KLRD1: variants seen among roughly 807,000 people sequenced by gnomAD.
The protein encoded by KLRD1 is killer cell lectin like receptor D1.
In KLRD1, 21 loss-of-function variants were observed where a neutral mutation model predicts 22.6. The ratio of observed to expected loss-of-function variants is 0.93; its 90% CI spans 0.66 to 1.34. KLRD1 has a LOEUF of 1.34. Ranked by LOEUF, KLRD1 falls within the 40% of genes most tolerant of loss-of-function variation. The pLI is 0.00. For missense variants in KLRD1, 183 were observed against 208.6 expected, an observed-to-expected ratio of 0.88 and a Z score of 0.76; for synonymous variants, 59 against 71.1, an observed-to-expected ratio of 0.83 and a Z score of 0.85.
intron 1 of KLRD1, among the ~76,000 whole-genome samples, chr12:10,295,752 A>G (rs1286469495): frequency 6.6e-6 from 1 of 152,196 alleles, no homozygotes; most frequent in African/African-American, 2.4e-5. Flanking sequence ...ATTAAAATAT[A>G]GACACCCATT....
At chr12:10,313,285 A>T in intron 4 of KLRD1, 125 bp from the exon 5 acceptor site, 1 of 521,032 alleles carries the variant, frequency 1.9e-6, no homozygotes, top group Non-Finnish European at 3.4e-6. Flanking sequence ...AGGAAGTTAA[A>T]AATAATTTCC....
At chr12:10,251,483 A>G (rs148452536) in intron 1 of KLRD1, among the ~76,000 whole-genome samples, 6 of 152,136 alleles carry the variant, frequency 3.9e-5, no homozygotes, top group East Asian at 1.9e-4. Flanking sequence ...GTGGTCCCCA[A>G]ACTTTTTGGC....
Position 10,316,338 on chromosome 12 carries a change from A to G in KLRD1, c.*1545A>G, listed in dbSNP as rs569273078. 1.3e-5 allele frequency: 2 copies of G among 152,272 alleles called. No individual in the cohort carries two copies. Among genetic ancestry groups the G allele is most frequent in the East Asian group, 1.9e-4 (1 of 5,188 alleles). The allele number at this position is 152,272 out of a possible 1,614,324, so 9.4% of individuals were successfully genotyped here. On this transcript the variant is annotated 3_prime_UTR_variant, in exon 6 of 6. Transcript: ENST00000336164. ...TTAGAGTTATGCCTACTGTACCCAC[A>G]TAATCCTAAAAATATGTTACAACTG...
At chr12:10,270,815 G>A (rs1187395099) in intron 1 of KLRD1, among the ~76,000 whole-genome samples, 1 of 146,416 alleles carries the variant, frequency 6.8e-6, no homozygotes, top group Non-Finnish European at 1.5e-5. Context: ...ACAGAGTCTC[G>A]CTCTGTCGCC....
intron 1 of KLRD1, among the ~76,000 whole-genome samples, chr12:10,245,852 C>T (rs1397604249): frequency 6.6e-6 from 1 of 152,104 alleles, no homozygotes; most frequent in Non-Finnish European, 1.5e-5. Context: ...AAAAGTCTTA[C>T]CCTGTCACCC....
At chr12:10,273,861 A>G (rs1199601959) in intron 1 of KLRD1, among the ~76,000 whole-genome samples, 1 of 152,240 alleles carries the variant, frequency 6.6e-6, no homozygotes, top group African/African-American at 2.4e-5. Context: ...ATGTAAGATC[A>G]GGCAAGGACA....
chr12:10,313,123 A>G (rs1950135510), intron 4 of KLRD1, among the ~76,000 whole-genome samples: 1 of 152,172 alleles, frequency 6.6e-6, no homozygotes, highest in Non-Finnish European at 1.5e-5. Context: ...TTAATCTTTG[A>G]TCCCCCGTGA....
intron 1 of KLRD1, among the ~76,000 whole-genome samples, chr12:10,294,452 G>C (rs1228300278): frequency 1.3e-5 from 2 of 152,126 alleles, no homozygotes; most frequent in African/African-American, 4.8e-5. Flanking sequence ...AGTCTGGAGT[G>C]CAATGGCATG....
chr12:10,250,553 G>T (rs1000497195), intron 1 of KLRD1, among the ~76,000 whole-genome samples: 4 of 151,884 alleles, frequency 2.6e-5, no homozygotes, highest in Non-Finnish European at 4.4e-5. Context: ...TGCCTCCTGG[G>T]TTCAACTGAT....
chr12:10,311,285 G>T (rs1950062566), intron 3 of KLRD1, among the ~76,000 whole-genome samples, 179 bp from the exon 4 acceptor site: 1 of 152,080 alleles, frequency 6.6e-6, no homozygotes, highest in Non-Finnish European at 1.5e-5. Flanking sequence ...ATCTCCATGA[G>T]GAAAAAGCAT....
intron 1 of KLRD1, among the ~76,000 whole-genome samples, chr12:10,260,742 C>A (rs1949445333): frequency 6.6e-6 from 1 of 152,124 alleles, no homozygotes; most frequent in Non-Finnish European, 1.5e-5. Flanking sequence ...AGATCGAGAC[C>A]TTCCTGGCTA....
At chr12:10,291,373 T>C (rs767239009) in intron 1 of KLRD1, among the ~76,000 whole-genome samples, 4 of 152,228 alleles carry the variant, frequency 2.6e-5, no homozygotes, top group Admixed American at 6.5e-5. Context: ...ATGATGCTGT[T>C]TCATTGCATT....
chr12:10,302,002 C>T (rs1008827996), upstream of KLRD1, among the ~76,000 whole-genome samples: 5 of 152,246 alleles, frequency 3.3e-5, no homozygotes, highest in East Asian at 1.9e-4. Context: ...ATTTACTAAT[C>T]GGTTCACCAT....
intron 1 of KLRD1, among the ~76,000 whole-genome samples, chr12:10,264,589 T>C (rs1206198946): frequency 1.3e-5 from 2 of 152,078 alleles, no homozygotes; most frequent in African/African-American, 4.8e-5. Flanking sequence ...TGTGTATATT[T>C]AGGGTGTACA....
rs982984311 is a variant in KLRD1, at chr12:10,322,895, G to A, written c.*8102G>A. 1.1e-4 allele frequency: 17 copies of A among 152,054 alleles called. No homozygotes were observed. Among genetic ancestry groups the A allele is most frequent in the African/African-American group, 4.1e-4 (17 of 41,402 alleles). The allele number at this position is 152,054 out of a possible 1,614,324, so 9.4% of individuals were successfully genotyped here. A position where few individuals can be genotyped will look rare whatever the true frequency, so the allele number is the denominator to read the frequency against. On this transcript the variant is annotated 3_prime_UTR_variant, in exon 6 of 6. Coordinates refer to ENST00000336164, the MANE Select transcript of KLRD1 (RefSeq NM_002262.5). ...CTGAAAATATAGGTTTATTTAGCCT[G>A]TTCTTTAATTTCATATAAATGGAAG... is the stretch of plus-strand genomic sequence containing the variant.
intron 1 of KLRD1, among the ~76,000 whole-genome samples, chr12:10,289,276 G>A (rs1949742201): frequency 6.6e-6 from 1 of 152,154 alleles, no homozygotes; most frequent in African/African-American, 2.4e-5. Context: ...AGCTGCAGCT[G>A]AGCTCTTTGC....
chr12:10,243,813 G>A (rs1792228187), intron 1 of KLRD1, among the ~76,000 whole-genome samples: 2 of 151,998 alleles, frequency 1.3e-5, no homozygotes, highest in Non-Finnish European at 2.9e-5. Flanking sequence ...ATTGGTAGCG[G>A]TTTTAGAAAC....
chr12:10,272,676 G>A (rs943285361), intron 1 of KLRD1, among the ~76,000 whole-genome samples: 1 of 152,126 alleles, frequency 6.6e-6, no homozygotes, highest in East Asian at 1.9e-4. Flanking sequence ...ATGGGACCAA[G>A]GCAACAGAAG....
rs1372056861 is a variant in KLRD1 at position 10,314,658 on chromosome 12, T to C, written c.420-15T>C. 1.3e-6 allele frequency: 2 copies of C among 1,540,512 alleles called. No homozygotes were observed. The stretch of plus-strand genomic sequence containing the variant: ...TTCCTTTTTGTGTATGTGAACATTT[T>C]CTTCTTCATTACAGATTTCCATCAT... On this transcript the variant is annotated splice_polypyrimidine_tract_variant and intron_variant, in intron 5 of 5. Transcript: ENST00000336164.
Sources: gnomAD v4.1 joint callset for allele counts (sites outside exome capture counted in the v4.1 genomes callset) on GRCh38, gnomAD v4.1.1 for gene constraint, MANE v1.5 for transcripts, NCBI Gene and HGNC (gene_info 2026-07-23, HGNC 2026-07-21) for gene names.